SLC35D1: variants seen among roughly 807,000 people sequenced by gnomAD.
SLC35D1 encodes nucleotide sugar transporter SLC35D1.
A neutral mutation model predicts 46.7 loss-of-function variants in SLC35D1; 31 were observed. The observed-to-expected ratio is 0.66, with a 90% CI of 0.50 to 0.90. The LOEUF (loss-of-function observed/expected upper bound fraction) is 0.90, where lower values mean the gene tolerates loss of function less well. Ranked by LOEUF, SLC35D1 falls within the 40% of genes least tolerant of loss-of-function variation. The pLI is 0.00. For synonymous variants in SLC35D1, 195 were observed against 164.6 expected (o/e 1.18, Z -1.41); for missense variants, 397 against 426.2 (o/e 0.93, Z 0.60).
Position 67,020,464 on chromosome 1 carries a change from G to A in SLC35D1, c.798-17C>T. The stretch of plus-strand genomic sequence containing the variant: ...AAGATAAACCTAGAATGAAGAAAGA[G>A]GTATAAAATCCAGTTTCTCACTTTA... On this transcript the variant is annotated splice_polypyrimidine_tract_variant and intron_variant, in intron 9 of 11. Transcript: ENST00000235345. The A allele has an allele frequency of 1.3e-6, 2 of 1,564,474 alleles. No individual in the cohort carries two copies. The highest frequency in any genetic ancestry group is 1.1e-5 in the South Asian group (1 of 90,092).
chr1:67,018,293 G>A (rs1245194899), intron 10 of SLC35D1, among the ~76,000 whole-genome samples: 2 of 152,146 alleles, frequency 1.3e-5, no homozygotes, highest in African/African-American at 2.4e-5. Context: ...ATAACAGGAC[G>A]TCATTTGAAT....
intron 10 of SLC35D1, among the ~76,000 whole-genome samples, chr1:67,018,421 A>G (rs970583740): frequency 4.6e-5 from 7 of 152,166 alleles, no homozygotes; most frequent in Non-Finnish European, 1.0e-4. Flanking sequence ...ACCTGTAGGT[A>G]TATATTAGGG....
chr1:67,052,807 G>A lies in SLC35D1; in HGVS notation c.288C>T (p.Val96=). 1.9e-6 allele frequency: 3 copies of A among 1,614,088 alleles called. No individual in the cohort carries two copies. Among genetic ancestry groups the A allele is most frequent in the Non-Finnish European group, 2.5e-6 (3 of 1,180,024 alleles). The stretch of plus-strand genomic sequence containing the variant: ...CATTTCTGTCAAGGTCAGGAAACTT[G>A]ACTACTCTGAGCGCCTTTCCCACCC... The part of the protein sequence containing the change: ...VLWVGKALRV[V]KFPDLDRNVP... The change falls in exon 3 of 12, where the codon GTC becomes GTT. Residue 96 remains valine, a synonymous_variant. Transcript: ENST00000235345.
chr1:66,987,844 A>C, the SLC35D1 span: 5 of 152,184 alleles, frequency 3.3e-5, no homozygotes, highest in Non-Finnish European at 5.9e-5. Flanking sequence ...CCCCTTTACC[A>C]CATCTTGGGT....
the SLC35D1 span, chr1:66,973,070 A>G: frequency 1.3e-6 from 1 of 763,264 alleles, no homozygotes; most frequent in Non-Finnish European, 2.3e-6. Context: ...AATTTGTTAT[A>G]TTGTCTAGTG....
At chr1:67,047,208 A>G (rs976666600) in intron 7 of SLC35D1, 57 bp downstream of exon 7, 102 of 1,371,252 alleles carry the variant, frequency 7.4e-5, no homozygotes, top group South Asian at 2.8e-4. Flanking sequence ...TTTTTCTCCT[A>G]TGAATTGACA....
intron 8 of SLC35D1, among the ~76,000 whole-genome samples, chr1:67,029,680 G>A (rs1055640351): frequency 9.2e-5 from 14 of 152,106 alleles, no homozygotes. Context: ...TTTAATCCCT[G>A]ACCCCCTCTG....
At chr1:67,042,202 C>G (rs375942356) in intron 8 of SLC35D1, 34 bp downstream of exon 8, 1 of 1,533,314 alleles carries the variant, frequency 6.5e-7, no homozygotes, top group African/African-American at 1.4e-5. Context: ...AGTTCATCAA[C>G]GTAAGCCATT....
intron 8 of SLC35D1, 130 bp downstream of exon 8, chr1:67,042,104 TAA>T: frequency 1.2e-6 from 1 of 862,778 alleles, no homozygotes; most frequent in African/African-American, 1.7e-5. Flanking sequence ...ATTAGCAATT[TAA>T]AGAGTAAATG....
chr1:66,972,999 A>G, the SLC35D1 span: 8 of 1,516,470 alleles, frequency 5.3e-6, no homozygotes, highest in Non-Finnish European at 7.3e-6. Context: ...AAAGTAAGTA[A>G]TGATAATCTC....
At chr1:66,977,677 T>G in the SLC35D1 span, among the ~76,000 whole-genome samples, 1 of 152,202 alleles carries the variant, frequency 6.6e-6, no homozygotes. Flanking sequence ...TGGCAATTTG[T>G]TACTTAAACA....
the SLC35D1 span, among the ~76,000 whole-genome samples, chr1:66,977,626 CTCAT>C: frequency 6.6e-6 from 1 of 152,030 alleles, no homozygotes; most frequent in African/African-American, 2.4e-5. Context: ...TTGTCTACAC[CTCAT>C]TCAGTCTAGC....
chr1:66,978,216 G>A, the SLC35D1 span, among the ~76,000 whole-genome samples: 1 of 135,258 alleles, frequency 7.4e-6, no homozygotes, highest in Non-Finnish European at 1.7e-5. Context: ...AAAAAAAGAT[G>A]TGCTTGTATG....
the SLC35D1 span, among the ~76,000 whole-genome samples, chr1:66,974,733 T>C: frequency 6.6e-6 from 1 of 152,130 alleles, no homozygotes; most frequent in Non-Finnish European, 1.5e-5. Flanking sequence ...ATACACTAAA[T>C]TACTCTAGTG....
intron 11 of SLC35D1, chr1:67,008,578 T>C: frequency 1.5e-6 from 1 of 654,044 alleles, no homozygotes; most frequent in Non-Finnish European, 2.2e-6. Flanking sequence ...CTACTTTATC[T>C]GCTCTGATCC....
the SLC35D1 span, chr1:66,976,625 G>T: frequency 2.5e-6 from 4 of 1,604,322 alleles, no homozygotes; most frequent in Non-Finnish European, 3.4e-6. Flanking sequence ...TGAATGTGTA[G>T]CATTCTATTA....
chr1:67,039,994 A>C (rs79838418), intron 8 of SLC35D1, among the ~76,000 whole-genome samples: 2 of 144,256 alleles, frequency 1.4e-5, no homozygotes, highest in Admixed American at 1.4e-4. Flanking sequence ...CTTACATCAC[A>C]ATTTTTTTTT....
intron 8 of SLC35D1, among the ~76,000 whole-genome samples, chr1:67,024,468 G>A (rs769210911): frequency 6.6e-6 from 1 of 152,126 alleles, no homozygotes; most frequent in Non-Finnish European, 1.5e-5. Flanking sequence ...TGCTAGAGCT[G>A]CCATAACAAA....
chr1:67,019,778 T>C (rs1667759785), intron 10 of SLC35D1, among the ~76,000 whole-genome samples: 2 of 152,200 alleles, frequency 1.3e-5, no homozygotes, highest in Admixed American at 1.3e-4. Flanking sequence ...CAAAGTCAGA[T>C]GAAAGAGGCC....
Sources: gnomAD v4.1 joint callset for allele counts (sites outside exome capture counted in the v4.1 genomes callset) on GRCh38, gnomAD v4.1.1 for gene constraint, MANE v1.5 for transcripts, NCBI Gene and HGNC (gene_info 2026-07-23, HGNC 2026-07-21) for gene names.